The following ANKRD17 variants were observed in gnomAD, a reference collection of about 807,000 sequenced individuals.
The protein encoded by ANKRD17 is ankyrin repeat domain-containing protein 17.
ANKRD17 carries 19 observed loss-of-function variants against 229.7 expected under a neutral mutation model. The observed-to-expected ratio is 0.08, with a 90% CI of 0.06 to 0.12. ANKRD17 has a LOEUF of 0.12. Among genes scored for constraint, ANKRD17 ranks in the 10% least tolerant of loss-of-function variants. ANKRD17 has a pLI of 1.00. For missense variants in ANKRD17, 2,176 were observed against 3,176.8 expected, an observed-to-expected ratio of 0.68 and a Z score of 7.57; for synonymous variants, 1,112 against 1,146.1, an observed-to-expected ratio of 0.97 and a Z score of 0.60.
chr4:73,174,068 GAAGGAAGGC>G (rs1472188954), intron 2 of ANKRD17, among the ~76,000 whole-genome samples: 1 of 130,796 alleles, frequency 7.6e-6, no homozygotes, highest in Admixed American at 7.8e-5. Flanking sequence ...GGGGAAGGGA[GAAGGAAGGC>G]GAGGGAAGGG....
At chr4:73,157,534 C>CAA (rs2148894722) in intron 3 of ANKRD17, among the ~76,000 whole-genome samples, 1 of 152,276 alleles carries the variant, frequency 6.6e-6, no homozygotes, top group African/African-American at 2.4e-5. Context: ...AAATCCAGGG[C>CAA]TATTAATATT....
Position 73,142,301 on chromosome 4 carries a change from G to T in ANKRD17, c.2170C>A (p.Leu724Ile). 6.4e-7 allele frequency: 1 copy of T among 1,561,806 alleles called. No homozygotes were observed. Among genetic ancestry groups the T allele is most frequent in the Non-Finnish European group, 8.6e-7 (1 of 1,166,572 alleles). ...CYLLDYPNNL[L>I]SAPPPDVTQL... ...GTGACATCTGGTGGAGGGGCTGAAA[G>T]CAAGTTATTAGGATAATCCAAGAGA... The change falls in exon 13 of 34, where the codon CTT (leucine) becomes ATT (isoleucine). Residue 724 changes from leucine to isoleucine, a missense_variant. By Grantham distance (5) the Leu-to-Ile change is conservative (BLOSUM62 2). Around this residue, in one of 18 missense-constraint regions of ANKRD17, gnomAD observed 275 missense variants for 386.9 expected, o/e 0.71. Coordinates refer to ENST00000358602, the MANE Select transcript of ANKRD17 (RefSeq NM_032217.5).
chr4:73,208,061 C>T (rs765280702), intron 1 of ANKRD17, among the ~76,000 whole-genome samples: 8 of 151,884 alleles, frequency 5.3e-5, no homozygotes, highest in African/African-American at 1.7e-4. Flanking sequence ...TGGTGGTGGG[C>T]GCCTGTAGTC....
chr4:73,166,583 G>A (rs2148939992), intron 2 of ANKRD17, among the ~76,000 whole-genome samples: 1 of 152,226 alleles, frequency 6.6e-6, no homozygotes, highest in East Asian at 1.9e-4. Context: ...ACCAGACAGT[G>A]CCTATGTGAT....
chr4:73,143,602 A>C (rs554398820), intron 11 of ANKRD17, among the ~76,000 whole-genome samples: 5 of 152,376 alleles, frequency 3.3e-5, no homozygotes, highest in African/African-American at 9.6e-5. Context: ...GTGCATGGGA[A>C]AATGTTGAAA....
intron 2 of ANKRD17, among the ~76,000 whole-genome samples, chr4:73,168,556 C>A (rs1344337995): frequency 6.6e-6 from 1 of 152,148 alleles, no homozygotes; most frequent in Non-Finnish European, 1.5e-5. Flanking sequence ...AGCCTACAGT[C>A]TCTAACAAAC....
intron 1 of ANKRD17, among the ~76,000 whole-genome samples, chr4:73,249,256 G>A (rs971878225): frequency 6.6e-6 from 1 of 152,036 alleles, no homozygotes; most frequent in Non-Finnish European, 1.5e-5. Flanking sequence ...CTTCACTTTC[G>A]TATTTTTCTT....
At chr4:73,232,940 C>T (rs1417010204) in intron 1 of ANKRD17, among the ~76,000 whole-genome samples, 1 of 152,152 alleles carries the variant, frequency 6.6e-6, no homozygotes, top group Non-Finnish European at 1.5e-5. Flanking sequence ...CCAGGCTGGT[C>T]TCGAACTCCT....
rs531564555 is a variant in ANKRD17 at position 73,211,097 on chromosome 4, G to A, written c.394-33564C>T. On this transcript the variant is annotated intron_variant, in intron 1 of 33. Transcript: ENST00000358602. ...TTTTTTAACTTAAAGAGTCAGGGTC[G>A]CTAAAAATTAACCATATAGTCAAGC... is the stretch of plus-strand genomic sequence containing the variant. Among the ~76,000 whole-genome samples the A allele has an allele frequency of 5.3e-4, 81 of 151,806 alleles. No individual in the cohort carries two copies. In the South Asian group the frequency reaches 0.016, roughly 30 times the overall value.
rs183756067 is a variant in ANKRD17, at chr4:73,152,826, T to C, written c.1234+1054A>G. On this transcript the variant is annotated intron_variant, in intron 6 of 33. Transcript: ENST00000358602. Reference sequence around the variant, plus strand: ...AGCCTCTGCCTAATTATAAACAGGATTGGGGAAGGGAACTAAGGGACCTCA... The same window carrying C: ...AGCCTCTGCCTAATTATAAACAGGACTGGGGAAGGGAACTAAGGGACCTCA... Among the ~76,000 whole-genome samples, 294 of 152,154 alleles carry C rather than the reference T, an allele frequency of 1.9e-3. 1 individual carries two copies. The highest frequency in any genetic ancestry group is 6.6e-3 in the African/African-American group (274 of 41,514).
intron 1 of ANKRD17, among the ~76,000 whole-genome samples, chr4:73,188,723 A>G (rs1318038555): frequency 1.3e-5 from 2 of 152,188 alleles, no homozygotes; most frequent in Non-Finnish European, 2.9e-5. Context: ...ATAATGAAAA[A>G]ACAAAAATGA....
Position 73,155,881 on chromosome 4 carries a change from T to C in ANKRD17, c.853-103A>G, listed in dbSNP as rs1024165491. On this transcript the variant is annotated intron_variant, in intron 4 of 33. Transcript: ENST00000358602. Reference sequence around the variant, plus strand: ...CTACCTAGTCATAGTAAAAGAGCTATAAGCACACAAAATTTATCTAACAAA... The same window carrying C: ...CTACCTAGTCATAGTAAAAGAGCTACAAGCACACAAAATTTATCTAACAAA... 5 of 1,476,570 alleles carry C rather than the reference T, an allele frequency of 3.4e-6. No homozygotes were observed. In the African/African-American group the frequency reaches 7.1e-5, roughly 21 times the overall value. The allele number at this position is 1,476,570 out of a possible 1,614,324, so 91.5% of individuals were successfully genotyped here.
Position 73,157,960 on chromosome 4 carries a change from C to A in ANKRD17, c.705-1794G>T, listed in dbSNP as rs555456672. ...AAAAAAAATTAGCCGGGCATGGCAG[C>A]GTGGCCTATAGTCCCAGCTACTTGG... On this transcript the variant is annotated intron_variant, in intron 3 of 33. Transcript: ENST00000358602. Among the ~76,000 whole-genome samples the A allele has an allele frequency of 2.6e-3, 392 of 151,740 alleles. 3 individuals are homozygous for A. Among genetic ancestry groups the A allele is most frequent in the African/African-American group, 8.9e-3 (367 of 41,390 alleles).
chr4:73,139,352 T>C lies in ANKRD17; in HGVS notation c.3085+179A>G, dbSNP rs543580658. Among the ~76,000 whole-genome samples, 5 of 152,350 alleles carry C rather than the reference T, an allele frequency of 3.3e-5. No individual in the cohort carries two copies. The East Asian group carries it at 9.6e-4, about 29-fold the overall frequency. ...CAGTCATTTGTACTGAATGAGCTAA[T>C]CTTTAATTTGACCTGTATCCATCTG... On this transcript the variant is annotated intron_variant, in intron 15 of 33. Coordinates refer to ENST00000358602, the MANE Select transcript of ANKRD17 (RefSeq NM_032217.5).
At position 73,125,194 on chromosome 4, in the gene ANKRD17, G is replaced by A. The variant is rs1382979985; in HGVS notation, c.3346+7C>T. 3.1e-6 allele frequency: 5 copies of A among 1,596,156 alleles called. No individual in the cohort carries two copies. The South Asian group carries it at 4.5e-5, about 14-fold the overall frequency. ...ATTCCAAAAAATAAAACAAAAGTAG[G>A]CCCTACCTTTCTTGTCTCGGTGCTC... On this transcript the variant is annotated splice_region_variant and intron_variant, in intron 17 of 33. Transcript: ENST00000358602.
At chr4:73,157,651 G>A (rs2148895173) in intron 3 of ANKRD17, among the ~76,000 whole-genome samples, 1 of 152,166 alleles carries the variant, frequency 6.6e-6, no homozygotes, top group South Asian at 2.1e-4. Context: ...CTATAGCCCT[G>A]TTATTACCAT....
At chr4:73,098,613 G>T in intron 25 of ANKRD17, 93 bp from the exon 26 acceptor site, 1 of 1,153,864 alleles carries the variant, frequency 8.7e-7, no homozygotes, top group Non-Finnish European at 1.2e-6. Flanking sequence ...ACCCAGGAGA[G>T]ATACTCTACT....
At chr4:73,234,297 C>A (rs934923810) in intron 1 of ANKRD17, among the ~76,000 whole-genome samples, 2 of 152,026 alleles carry the variant, frequency 1.3e-5, no homozygotes, top group Non-Finnish European at 2.9e-5. Context: ...TTCTATGCCC[C>A]CTTTTAAATG....
At chr4:73,161,139 T>C (rs923719970) in intron 3 of ANKRD17, 53 bp downstream of exon 3, 8 of 1,590,608 alleles carry the variant, frequency 5.0e-6, no homozygotes, top group Non-Finnish European at 6.9e-6. Flanking sequence ...TAGCTATTTG[T>C]TATTATTTTT....
Sources: allele counts gnomAD v4.1 joint callset (sites outside exome capture counted in the v4.1 genomes callset), GRCh38; gene constraint gnomAD v4.1.1; regional missense constraint gnomAD v4.1.1; transcripts MANE v1.5; gene names NCBI Gene and HGNC (gene_info 2026-07-23, HGNC 2026-07-21).